The following MAP4 variants were observed in gnomAD, a reference collection of about 807,000 sequenced individuals.
The protein encoded by MAP4 is microtubule associated protein 4, also known as microtubule-associated protein 4.
Under a neutral mutation model 170.2 loss-of-function variants are expected in MAP4, and 76 were observed. That is an observed-to-expected ratio of 0.45 (90% CI 0.37 to 0.54). The LOEUF (loss-of-function observed/expected upper bound fraction) is 0.54. Ranked by LOEUF, MAP4 falls within the 20% of genes least tolerant of loss-of-function variation. The probability of loss-of-function intolerance (pLI) is 0.00; values close to 1 mark genes in which losing one functional copy is unlikely to be tolerated. For missense variants in MAP4, 2,506 were observed against 2,748.0 expected, an observed-to-expected ratio of 0.91 and a Z score of 1.97; for synonymous variants, 909 against 994.5, an observed-to-expected ratio of 0.91 and a Z score of 1.62.
chr3:47,918,044 G>A (rs1397297242), intron 6 of MAP4, among the ~76,000 whole-genome samples: 1 of 151,918 alleles, frequency 6.6e-6, no homozygotes. Flanking sequence ...GTGCAGTGGC[G>A]CAATCTCGGC....
At chr3:48,069,285 A>C (rs930025576) in intron 1 of MAP4, among the ~76,000 whole-genome samples, 5 of 152,190 alleles carry the variant, frequency 3.3e-5, no homozygotes, top group Admixed American at 2.6e-4. Context: ...GATTTGTATC[A>C]CTAGACAGTG....
chr3:47,893,247 G>T (rs189704995), intron 10 of MAP4, among the ~76,000 whole-genome samples: 37 of 152,250 alleles, frequency 2.4e-4, no homozygotes, highest in African/African-American at 8.2e-4. Flanking sequence ...AGGGCTTTGG[G>T]GATAGATATT....
At chr3:48,087,745 G>GCACACACACACA (rs1171639123) in intron 1 of MAP4, among the ~76,000 whole-genome samples, 24 of 105,678 alleles carry the variant, frequency 2.3e-4, no homozygotes, top group Admixed American at 5.8e-4. Context: ...ACACGCACGC[G>GCACACACACACA]CACACACACA....
chr3:47,946,327 G>A (rs138333787), intron 3 of MAP4, among the ~76,000 whole-genome samples: 1 of 151,752 alleles, frequency 6.6e-6, no homozygotes, highest in African/African-American at 2.4e-5. Flanking sequence ...AAATAAATTT[G>A]CCTGGTCAGA....
chr3:48,071,131 T>C (rs1291077585), intron 1 of MAP4, among the ~76,000 whole-genome samples: 1 of 152,106 alleles, frequency 6.6e-6, no homozygotes, highest in Non-Finnish European at 1.5e-5. Flanking sequence ...GACAAAAATA[T>C]AACAAACAAA....
intron 3 of MAP4, among the ~76,000 whole-genome samples, chr3:47,970,995 G>A (rs945683924): frequency 3.9e-5 from 6 of 152,186 alleles, no homozygotes; most frequent in Non-Finnish European, 8.8e-5. Context: ...TTTCAATGGA[G>A]TCCTAAACAC....
chr3:47,983,728 A>G (rs1222396526), intron 2 of MAP4, among the ~76,000 whole-genome samples: 3 of 152,102 alleles, frequency 2.0e-5, no homozygotes, highest in African/African-American at 7.2e-5. Flanking sequence ...TAAGTTGCTC[A>G]GGCTGGTCTC....
At position 47,995,229 on chromosome 3, in the gene MAP4, G is replaced by T. The variant is rs2100094709; in HGVS notation, c.223+3409C>A. ...ACATCAAGATACTTTTGTAAGCAATGATAGCAACTTTTTTTCTTTTCTTTT... is the reference window on the plus strand; with the variant it reads ...ACATCAAGATACTTTTGTAAGCAATTATAGCAACTTTTTTTCTTTTCTTTT... On this transcript the variant is annotated intron_variant, in intron 2 of 20. Transcript: ENST00000683076. Among the ~76,000 whole-genome samples, 9 of 149,874 alleles carry T rather than the reference G, an allele frequency of 6.0e-5. No individual in the cohort carries two copies. The Admixed American group carries it at 6.0e-4, about 10-fold the overall frequency.
At chr3:48,018,415 A>C (rs1385772168), upstream of MAP4, among the ~76,000 whole-genome samples, 1 of 152,202 alleles carries the variant, frequency 6.6e-6, no homozygotes, top group Non-Finnish European at 1.5e-5. Context: ...TCTAATTTGA[A>C]ATTAATCAGA....
intron 4 of MAP4, among the ~76,000 whole-genome samples, chr3:47,923,809 C>A (rs1437062814): frequency 6.6e-6 from 1 of 151,564 alleles, no homozygotes. Context: ...AAAGTGAAAC[C>A]CCATCTCAAA....
intron 10 of MAP4, among the ~76,000 whole-genome samples, chr3:47,899,091 A>C (rs1161363393): frequency 6.6e-6 from 1 of 152,242 alleles, no homozygotes; most frequent in East Asian, 1.9e-4. Context: ...AAGAAACTCC[A>C]ATCTCCCAGC....
intron 3 of MAP4, among the ~76,000 whole-genome samples, chr3:47,958,642 G>T: frequency 6.7e-6 from 1 of 149,602 alleles, no homozygotes; most frequent in East Asian, 2.0e-4. Context: ...TCAGCCTCCT[G>T]AGTAGCTGGG....
At chr3:47,931,574 G>A (rs929444087) in intron 3 of MAP4, among the ~76,000 whole-genome samples, 1 of 151,830 alleles carries the variant, frequency 6.6e-6, no homozygotes, top group Admixed American at 6.6e-5. Flanking sequence ...AACTTCCCAA[G>A]CTCAAGCAAT....
intron 2 of MAP4, among the ~76,000 whole-genome samples, chr3:47,992,021 C>G (rs1481159233): frequency 2.6e-5 from 4 of 151,720 alleles, no homozygotes; most frequent in Non-Finnish European, 5.9e-5. Context: ...CAGTAGTTTA[C>G]TGAACCTCAT....
chr3:47,998,989 T>A lies in MAP4; in HGVS notation c.-19-110A>T, dbSNP rs1403070324. ...CAAACAAAAGAATCAAAATCTAAGA[T>A]TTTACAGCTAGAAGAGGCTCCCTCA... is the stretch of plus-strand genomic sequence containing the variant. On this transcript the variant is annotated intron_variant, in intron 1 of 20. Transcript: ENST00000683076. 11 of 685,766 alleles carry A rather than the reference T, an allele frequency of 1.6e-5. No individual in the cohort carries two copies. The East Asian group carries it at 2.8e-4, about 18-fold the overall frequency. The allele number at this position is 685,766 out of a possible 1,614,324, so 42.5% of individuals were successfully genotyped here. A position where few individuals can be genotyped will look rare whatever the true frequency, so the allele number is the denominator to read the frequency against.
chr3:47,910,897 T>G lies in MAP4; in HGVS notation c.3524A>C (p.Glu1175Ala). 3 of 1,536,140 alleles carry G rather than the reference T, an allele frequency of 2.0e-6. No homozygotes were observed. Among genetic ancestry groups the G allele is most frequent in the Non-Finnish European group, 2.6e-6 (3 of 1,146,916 alleles). Residue 1175 changes from glutamate to alanine, a missense_variant, in exon 9 of 21, where the codon GAA (glutamate) becomes GCA (alanine). This residue lies in a region of MAP4 where 2,008 missense variants were observed against 2,206.0 expected (regional missense o/e 0.91). Transcript: ENST00000683076. ...CATATCTTTGACTACATCTCCTGTT[T>G]CTGTGCTAACACCAGAAGTCTGAGT... The part of the protein sequence containing the change: ...GMTQTSGVST[E>A]TGDVVKDMGV...
Position 47,910,939 on chromosome 3 carries a change from T to C in MAP4, c.3482A>G (p.Glu1161Gly). The C allele has an allele frequency of 1.3e-6, 2 of 1,536,160 alleles. No homozygotes were observed. The highest frequency in any genetic ancestry group is 1.7e-6 in the Non-Finnish European group (2 of 1,146,914). Residue 1161 changes from glutamate (E) to glycine (G), a missense_variant, in exon 9 of 21, where the codon GAA becomes GGA. Glu to Gly is a moderately conservative substitution (Grantham distance 98). Transcript: ENST00000683076. ...AGTCTGAGTCATGCCTGATCCACTT[T>C]CCAAAGGAATCAATGCCTGCATGGT... ...AGTMQALIPLESGSGMTQTSG... is the reference protein window; with the variant it reads ...AGTMQALIPLGSGSGMTQTSG...
intron 3 of MAP4, among the ~76,000 whole-genome samples, chr3:47,961,707 T>G (rs1026250398): frequency 2.0e-5 from 3 of 152,186 alleles, no homozygotes; most frequent in African/African-American, 7.2e-5. Context: ...CTGGTTCTAG[T>G]GTGCTTTTGC....
chr3:47,935,087 G>A (rs2100051960), intron 3 of MAP4, among the ~76,000 whole-genome samples: 1 of 152,206 alleles, frequency 6.6e-6, no homozygotes, highest in Admixed American at 6.5e-5. Flanking sequence ...AAAATTATGA[G>A]AAACATGCTA....
Sources: gnomAD v4.1 joint callset for allele counts (sites outside exome capture counted in the v4.1 genomes callset) on GRCh38, gnomAD v4.1.1 for gene constraint, gnomAD v4.1.1 regional missense constraint, MANE v1.5 for transcripts, NCBI Gene and HGNC (gene_info 2026-07-23, HGNC 2026-07-21) for gene names.